SLC5A12: variants seen among roughly 807,000 people sequenced by gnomAD.
SLC5A12 encodes solute carrier family 5 member 12.
SLC5A12 carries 46 observed loss-of-function variants against 72.7 expected under a neutral mutation model. The observed-to-expected ratio is 0.63, with a 90% confidence interval of 0.50 to 0.81. The LOEUF is 0.81. Among genes scored for constraint, SLC5A12 ranks in the 30% least tolerant of loss-of-function variants. The pLI is 0.00. For synonymous variants in SLC5A12, 275 were observed against 264.4 expected (o/e 1.04, Z -0.39); for missense variants, 683 against 740.7 (o/e 0.92, Z 0.90).
intron 1 of SLC5A12, among the ~76,000 whole-genome samples, chr11:26,714,643 T>C (rs906671592): frequency 2.6e-5 from 4 of 152,176 alleles, no homozygotes; most frequent in Non-Finnish European, 5.9e-5. Flanking sequence ...TTCTACTTGA[T>C]AGTAGTTCTT....
chr11:26,710,575 A>T (rs909455402), intron 3 of SLC5A12, among the ~76,000 whole-genome samples: 4 of 151,990 alleles, frequency 2.6e-5, no homozygotes, highest in African/African-American at 9.7e-5. Context: ...TGTGGTTTTG[A>T]TTTGCATTTC....
chr11:26,709,520 A>C, intron 3 of SLC5A12, 141 bp from the exon 4 acceptor site: 2 of 611,932 alleles, frequency 3.3e-6, no homozygotes, highest in Non-Finnish European at 5.6e-6. Context: ...TCCCTCATTA[A>C]ATTTTCTCAC....
intron 13 of SLC5A12, among the ~76,000 whole-genome samples, chr11:26,676,386 G>T (rs1207173457): frequency 6.6e-6 from 1 of 150,560 alleles, no homozygotes; most frequent in Admixed American, 6.6e-5. Context: ...AAAGAAAACA[G>T]GTAGTAGGCC....
intron 1 of SLC5A12, chr11:26,716,182 A>C (rs1021334284): frequency 6.6e-6 from 1 of 152,210 alleles, no homozygotes; most frequent in African/African-American, 2.4e-5. Context: ...GATCTTGAAA[A>C]AAATCAATGG....
intron 4 of SLC5A12, among the ~76,000 whole-genome samples, chr11:26,707,194 G>A (rs1272218101): frequency 6.6e-6 from 1 of 151,934 alleles, no homozygotes; most frequent in Non-Finnish European, 1.5e-5. Context: ...GTTGCTAAGT[G>A]TCCCTCTTTA....
At position 26,670,931 on chromosome 11, in the gene SLC5A12, A is replaced by G. The variant is rs896404282; in HGVS notation, c.*171T>C. 2.5e-5 allele frequency: 13 copies of G among 528,852 alleles called. No individual in the cohort carries two copies. The highest frequency in any genetic ancestry group is 4.2e-5 in the Admixed American group (1 of 23,770). 32.8% of individuals were successfully genotyped at this position (528,852 alleles called of 1,614,324 possible). The stretch of plus-strand genomic sequence containing the variant: ...GGAGTCTTTCAAAGAATATCCCGAG[A>G]GACAGTCATTTTGCATGTAGTTATA... On this transcript the variant is annotated 3_prime_UTR_variant, in exon 15 of 15. Coordinates refer to ENST00000396005, the MANE Select transcript of SLC5A12 (RefSeq NM_178498.4).
At chr11:26,710,280 G>A (rs1855192617) in intron 3 of SLC5A12, among the ~76,000 whole-genome samples, 1 of 152,118 alleles carries the variant, frequency 6.6e-6, no homozygotes, top group Non-Finnish European at 1.5e-5. Flanking sequence ...GGGCATTTGG[G>A]TTGGTTCCAA....
upstream of SLC5A12, chr11:26,722,173 C>T (rs78109947): frequency 0.035 from 5,433 of 156,928 alleles, 324 homozygotes; most frequent in African/African-American, 0.12. Context: ...ATTTTTAATT[C>T]GTGAGATGGA....
intron 7 of SLC5A12, among the ~76,000 whole-genome samples, chr11:26,697,748 A>C (rs1290418377): frequency 6.6e-6 from 1 of 152,124 alleles, no homozygotes; most frequent in Non-Finnish European, 1.5e-5. Context: ...CTTCAATCTG[A>C]GGTTCCTTAA....
At chr11:26,692,409 G>GAAT (rs1854702121) in intron 9 of SLC5A12, 80 bp downstream of exon 9, 1 of 943,434 alleles carries the variant, frequency 1.1e-6, no homozygotes, top group African/African-American at 1.6e-5. Flanking sequence ...AGTGTGTCCT[G>GAAT]AATAGCACAT....
intron 4 of SLC5A12, among the ~76,000 whole-genome samples, chr11:26,705,688 A>G (rs1384469374): frequency 6.6e-6 from 1 of 152,124 alleles, no homozygotes; most frequent in African/African-American, 2.4e-5. Context: ...TCTTAAATCC[A>G]TTAAGCCTTC....
In SLC5A12 at chr11:26,669,187, T is replaced by TTTCTCTTTC. The variant is rs1854073553; in HGVS notation, c.*1914_*1915insGAAAGAGAA. 2 of 110,938 alleles carry TTTCTCTTTC rather than the reference T, an allele frequency of 1.8e-5. No individual in the cohort carries two copies. Among genetic ancestry groups the TTTCTCTTTC allele is most frequent in the Admixed American group, 9.3e-5 (1 of 10,744 alleles). The allele number at this position is 110,938 out of a possible 1,614,324, so 6.9% of individuals were successfully genotyped here. ...TGTCTTTTTCTTTCTTTCTTTCTTC[T>TTTCTCTTTC]TTTCTTTCTTTCTTTCTTTCTTTCT... is the stretch of plus-strand genomic sequence containing the variant. On this transcript the variant is annotated 3_prime_UTR_variant, in exon 15 of 15. Coordinates refer to ENST00000396005, the MANE Select transcript of SLC5A12 (RefSeq NM_178498.4).
In SLC5A12 at chr11:26,721,378, C is replaced by T; in HGVS notation, c.337G>A (p.Glu113Lys). 1.9e-6 allele frequency: 3 copies of T among 1,592,246 alleles called. No homozygotes were observed. Among genetic ancestry groups the T allele is most frequent in the Non-Finnish European group, 1.7e-6 (2 of 1,168,906 alleles). Residue 113 changes from glutamate (E) to lysine (K), a missense_variant and splice_region_variant, in exon 1 of 15, where the codon GAG becomes AAG. Coordinates refer to ENST00000396005, the MANE Select transcript of SLC5A12 (RefSeq NM_178498.4). ...FYRSGITSTY[E>K]YLQLRFNKPV... ...GAAGAATGGAGAAATCATCTTACCT[C>T]ATAAGTGCTGGTGATACCAGATCTG...
intron 1 of SLC5A12, among the ~76,000 whole-genome samples, chr11:26,716,047 G>A (rs1357093547): frequency 3.9e-5 from 6 of 152,186 alleles, no homozygotes; most frequent in African/African-American, 1.4e-4. Context: ...TAGAAGTGGG[G>A]AGGTGTAACA....
Position 26,702,610 on chromosome 11 carries a change from A to G in SLC5A12, c.821+921T>C, listed in dbSNP as rs145392442. Among the ~76,000 whole-genome samples the G allele has an allele frequency of 2.0e-3, 310 of 152,232 alleles. 8 individuals are homozygous for G. Among genetic ancestry groups the G allele is most frequent in the East Asian group, 0.014 (74 of 5,168 alleles). ...ATAACTTTGGTCTCTACTTTGGAGC[A>G]TGGGGTGGCTTGCAGGGCTTGGAAA... On this transcript the variant is annotated intron_variant, in intron 6 of 14. Transcript: ENST00000396005.
intron 11 of SLC5A12, among the ~76,000 whole-genome samples, chr11:26,681,777 T>C (rs917363535): frequency 6.6e-6 from 1 of 152,122 alleles, no homozygotes; most frequent in South Asian, 2.1e-4. Context: ...AGAATCACTT[T>C]TCTTGTAGAG....
intron 11 of SLC5A12, among the ~76,000 whole-genome samples, chr11:26,682,557 T>C (rs61877310): frequency 0.069 from 10,562 of 152,210 alleles, 503 homozygotes; most frequent in Non-Finnish European, 0.1. Context: ...TAATATTTAC[T>C]ATACTTTATT....
intron 10 of SLC5A12, among the ~76,000 whole-genome samples, chr11:26,686,151 C>A (rs1854527552): frequency 6.6e-6 from 1 of 152,152 alleles, no homozygotes; most frequent in African/African-American, 2.4e-5. Context: ...TCACTACTTT[C>A]ATATCAGGAT....
chr11:26,684,217 G>C (rs1854475832), intron 10 of SLC5A12, among the ~76,000 whole-genome samples: 1 of 151,998 alleles, frequency 6.6e-6, no homozygotes, highest in Admixed American at 6.6e-5. Context: ...CAGAAAGATG[G>C]GTTACAATGC....
Sources: allele counts gnomAD v4.1 joint callset (sites outside exome capture counted in the v4.1 genomes callset), GRCh38; gene constraint gnomAD v4.1.1; transcripts MANE v1.5; gene names NCBI Gene and HGNC (gene_info 2026-07-23, HGNC 2026-07-21).